IQCM: variants seen among roughly 807,000 people sequenced by gnomAD.
IQCM encodes IQ motif containing M.
IQCM carries 45 observed loss-of-function variants against 57.6 expected under a neutral mutation model. The ratio of observed to expected loss-of-function variants is 0.78; its 90% CI spans 0.62 to 1.00. The LOEUF (loss-of-function observed/expected upper bound fraction) is 1.00. Ranked by LOEUF, IQCM falls within the 50% of genes least tolerant of loss-of-function variation. The probability of loss-of-function intolerance (pLI) is 0.00; values close to 1 mark genes in which losing one functional copy is unlikely to be tolerated. For missense variants in IQCM, 468 were observed against 511.6 expected (o/e 0.91, Z 0.82); for synonymous variants, 148 against 158.9 (o/e 0.93, Z 0.51).
At chr4:149,787,482 A>G (rs970277068) in intron 2 of IQCM, among the ~76,000 whole-genome samples, 1 of 152,234 alleles carries the variant, frequency 6.6e-6, no homozygotes, top group African/African-American at 2.4e-5. Flanking sequence ...TGTGTATAAA[A>G]GCAGACACAT....
intron 12 of IQCM, among the ~76,000 whole-genome samples, chr4:149,481,939 T>A (rs1740947496): frequency 6.6e-6 from 1 of 150,972 alleles, no homozygotes; most frequent in African/African-American, 2.4e-5. Flanking sequence ...GGGGGTTGGT[T>A]TTCTTCAATT....
At chr4:149,738,782 A>C (rs1478501820) in intron 3 of IQCM, among the ~76,000 whole-genome samples, 1 of 152,218 alleles carries the variant, frequency 6.6e-6, no homozygotes, top group African/African-American at 2.4e-5. Flanking sequence ...CATTTGAGGC[A>C]CTGAGGTAGC....
chr4:149,544,998 A>C (rs981502677), intron 12 of IQCM, among the ~76,000 whole-genome samples: 1 of 152,036 alleles, frequency 6.6e-6, no homozygotes, highest in Non-Finnish European at 1.5e-5. Flanking sequence ...GGTTTTTTTT[A>C]GTATGACCCC....
chr4:149,497,109 G>A (rs536157933), intron 12 of IQCM, among the ~76,000 whole-genome samples: 5 of 152,224 alleles, frequency 3.3e-5, no homozygotes, highest in South Asian at 2.1e-4. Context: ...TTTCTTTAAT[G>A]TATGGGGCAG....
chr4:149,770,975 C>G (rs1446946120), intron 2 of IQCM, among the ~76,000 whole-genome samples: 1 of 151,962 alleles, frequency 6.6e-6, no homozygotes, highest in Non-Finnish European at 1.5e-5. Flanking sequence ...TCTGGACTGG[C>G]AAGGAAGGAA....
At chr4:149,541,702 T>A (rs1034607674) in intron 12 of IQCM, among the ~76,000 whole-genome samples, 1 of 152,010 alleles carries the variant, frequency 6.6e-6, no homozygotes, top group Non-Finnish European at 1.5e-5. Flanking sequence ...CAAAGTAAGA[T>A]TTTTAGACAA....
At chr4:149,360,074 G>A (rs1729364242) in intron 13 of IQCM, among the ~76,000 whole-genome samples, 1 of 151,836 alleles carries the variant, frequency 6.6e-6, no homozygotes, top group East Asian at 1.9e-4. Context: ...TAAAGTGAAA[G>A]CACTACCTAA....
chr4:149,598,346 T>G (rs1220907006), intron 8 of IQCM, among the ~76,000 whole-genome samples: 1 of 152,088 alleles, frequency 6.6e-6, no homozygotes, highest in Non-Finnish European at 1.5e-5. Flanking sequence ...AATAAGAAAG[T>G]AGGGAGTTTA....
chr4:149,503,156 G>C (rs1385538704), intron 12 of IQCM, among the ~76,000 whole-genome samples: 1 of 152,124 alleles, frequency 6.6e-6, no homozygotes, highest in Non-Finnish European at 1.5e-5. Context: ...AGAAGTTCGA[G>C]GTTACAGTGA....
At chr4:149,475,747 A>G (rs936455630) in intron 12 of IQCM, among the ~76,000 whole-genome samples, 1 of 152,130 alleles carries the variant, frequency 6.6e-6, no homozygotes, top group Non-Finnish European at 1.5e-5. Flanking sequence ...TTAAAAAAAT[A>G]TATATCAAAG....
intron 12 of IQCM, among the ~76,000 whole-genome samples, chr4:149,540,592 T>C (rs1407421742): frequency 8.5e-5 from 13 of 152,064 alleles, no homozygotes; most frequent in Admixed American, 7.9e-4. Context: ...TTAAATCTTA[T>C]GCATGAAGCC....
intron 12 of IQCM, among the ~76,000 whole-genome samples, chr4:149,435,142 CACATTT>C (rs1735233503): frequency 6.6e-6 from 1 of 152,124 alleles, no homozygotes; most frequent in African/African-American, 2.4e-5. Flanking sequence ...AGTAGAAAAT[CACATTT>C]ACTCCAATCT....
At chr4:149,741,306 A>G (rs1220678558) in intron 3 of IQCM, among the ~76,000 whole-genome samples, 1 of 152,158 alleles carries the variant, frequency 6.6e-6, no homozygotes, top group Admixed American at 6.6e-5. Context: ...AAATGCTAAT[A>G]AGTTTCATAT....
At chr4:149,669,513 G>T (rs1761055640) in intron 7 of IQCM, among the ~76,000 whole-genome samples, 1 of 152,124 alleles carries the variant, frequency 6.6e-6, no homozygotes, top group Non-Finnish European at 1.5e-5. Context: ...GGCTTTTGTT[G>T]CCATTGCTTT....
At chr4:149,701,079 A>G (rs1580053987) in intron 5 of IQCM, among the ~76,000 whole-genome samples, 1 of 152,040 alleles carries the variant, frequency 6.6e-6, no homozygotes, top group East Asian at 1.9e-4. Flanking sequence ...ATACAAATAT[A>G]CAAACTGAGG....
intron 12 of IQCM, among the ~76,000 whole-genome samples, chr4:149,475,266 G>A (rs965010981): frequency 8.5e-5 from 13 of 152,140 alleles, no homozygotes; most frequent in African/African-American, 3.1e-4. Context: ...TTAGATGTGA[G>A]GATGAGAGAA....
intron 12 of IQCM, among the ~76,000 whole-genome samples, chr4:149,462,555 G>A (rs769673872): frequency 6.6e-6 from 1 of 152,080 alleles, no homozygotes; most frequent in Non-Finnish European, 1.5e-5. Context: ...CAAAATTGAA[G>A]TTAATTTTCA....
chr4:149,462,836 C>A (rs1738449795), intron 12 of IQCM, among the ~76,000 whole-genome samples: 1 of 152,200 alleles, frequency 6.6e-6, no homozygotes, highest in South Asian at 2.1e-4. Flanking sequence ...GGATTCAACT[C>A]TAGAAGGCAG....
At chr4:149,493,861 C>A (rs1742363669) in intron 12 of IQCM, among the ~76,000 whole-genome samples, 2 of 143,896 alleles carry the variant, frequency 1.4e-5, no homozygotes. Flanking sequence ...GGGAGGACTA[C>A]AGGGAAAGGA....
Sources: gnomAD v4.1 joint callset for allele counts (sites outside exome capture counted in the v4.1 genomes callset) on GRCh38, gnomAD v4.1.1 for gene constraint, MANE v1.5 for transcripts, NCBI Gene and HGNC (gene_info 2026-07-23, HGNC 2026-07-21) for gene names.